TBCD: variants seen among roughly 807,000 people sequenced by gnomAD.
The protein encoded by TBCD is tubulin folding cofactor D.
Under a neutral mutation model 169.3 loss-of-function variants are expected in TBCD, and 105 were observed. The ratio of observed to expected loss-of-function variants is 0.62; its 90% CI spans 0.53 to 0.73. TBCD has a LOEUF of 0.73. TBCD is among the 30% of genes least tolerant of loss of function. TBCD has a pLI of 0.00. For synonymous variants in TBCD, 700 were observed against 643.9 expected, an observed-to-expected ratio of 1.09 and a Z score of -1.32; for missense variants, 1,444 against 1,600.1, an observed-to-expected ratio of 0.90 and a Z score of 1.66.
intron 13 of TBCD, among the ~76,000 whole-genome samples, chr17:82,847,659 A>G (rs763487808): frequency 1.4e-4 from 21 of 152,094 alleles, no homozygotes; most frequent in Non-Finnish European, 2.9e-4. Flanking sequence ...TCTTTTTGAG[A>G]CAGAGTCTTG....
chr17:82,815,067 G>A (rs775841812), intron 13 of TBCD, 133 bp downstream of exon 13: 24 of 1,410,642 alleles, frequency 1.7e-5, no homozygotes, highest in Admixed American at 4.7e-5. Flanking sequence ...CAGGCTGTCC[G>A]TGGCAGGCTG....
intron 6 of TBCD, among the ~76,000 whole-genome samples, chr17:82,777,541 T>G (rs967654847): frequency 6.6e-6 from 1 of 152,234 alleles, no homozygotes; most frequent in African/African-American, 2.4e-5. Context: ...GTGGGTCACG[T>G]GTCCACTGGA....
chr17:82,886,818 C>T (rs1414028573), intron 15 of TBCD, among the ~76,000 whole-genome samples: 1 of 150,178 alleles, frequency 6.7e-6, no homozygotes, highest in East Asian at 2.0e-4. Context: ...TACAGGCGTG[C>T]ACCACCATGC....
intron 13 of TBCD, chr17:82,865,377 TC>T (rs1347018361): frequency 1.2e-6 from 1 of 835,988 alleles, no homozygotes; most frequent in African/African-American, 1.8e-5. Flanking sequence ...TGAGGGTCCC[TC>T]CACATCCACC....
intron 2 of TBCD, among the ~76,000 whole-genome samples, chr17:82,758,392 A>AAAAAT (rs1480756470): frequency 1.6e-5 from 2 of 125,432 alleles, no homozygotes; most frequent in African/African-American, 6.1e-5. Flanking sequence ...CGGAAAAAAA[A>AAAAAT]AAAAAAAAAA....
intron 13 of TBCD, among the ~76,000 whole-genome samples, chr17:82,866,561 A>C (rs779751072): frequency 6.6e-6 from 1 of 152,174 alleles, no homozygotes; most frequent in Non-Finnish European, 1.5e-5. Context: ...TGCGGGTGTC[A>C]TGGAGCAGGA....
At chr17:82,812,018 T>C (rs2051476325) in intron 12 of TBCD, among the ~76,000 whole-genome samples, 1 of 152,172 alleles carries the variant, frequency 6.6e-6, no homozygotes, top group East Asian at 1.9e-4. Flanking sequence ...CTGATGTGGC[T>C]GTCCCCCAAG....
At chr17:82,921,998 G>T (rs1386259379) in intron 25 of TBCD, among the ~76,000 whole-genome samples, 1 of 152,192 alleles carries the variant, frequency 6.6e-6, no homozygotes, top group Non-Finnish European at 1.5e-5. Flanking sequence ...TTGTGTGGGT[G>T]CCAGTGTGTG....
chr17:82,866,646 G>T (rs1490876397), intron 13 of TBCD, among the ~76,000 whole-genome samples: 1 of 152,244 alleles, frequency 6.6e-6, no homozygotes, highest in African/African-American at 2.4e-5. Flanking sequence ...CTGGAAGGAG[G>T]CTGGCTGGGC....
At chr17:82,926,311 C>A (rs2147247616) in intron 27 of TBCD, 89 bp from the exon 28 acceptor site, 1 of 1,244,206 alleles carries the variant, frequency 8.0e-7, no homozygotes, top group East Asian at 2.4e-5. Flanking sequence ...GGTGTGGGGT[C>A]TGTGGCTCCG....
chr17:82,855,122 C>T (rs1025599295), intron 13 of TBCD, among the ~76,000 whole-genome samples: 4 of 152,126 alleles, frequency 2.6e-5, no homozygotes, highest in Non-Finnish European at 5.9e-5. Flanking sequence ...CCCCTCTTCG[C>T]CCCATATGGG....
rs1186529228 is a variant in TBCD at position 82,929,098 on chromosome 17, G to A, written c.2694-15G>A. ...ACCGCCCGCCCTTGGTTTACCTCCT[G>A]CTCTCGGTTTGCAGCTGTGAGCGCA... On this transcript the variant is annotated splice_polypyrimidine_tract_variant and intron_variant, in intron 30 of 38. Coordinates refer to ENST00000355528, the MANE Select transcript of TBCD (RefSeq NM_005993.5). 6.2e-7 allele frequency: 1 copy of A among 1,602,736 alleles called. No homozygotes were observed. Among genetic ancestry groups the A allele is most frequent in the Admixed American group, 1.7e-5 (1 of 59,920 alleles).
intron 35 of TBCD, 22 bp downstream of exon 35, chr17:82,937,382 C>A: frequency 6.2e-7 from 1 of 1,610,082 alleles, no homozygotes. Context: ...GTGCTGCTGG[C>A]CTTAGACGGA....
rs1213345180 is a variant in TBCD, at chr17:82,874,678, G to T, written c.1475+4298G>T. On this transcript the variant is annotated intron_variant, in intron 14 of 38. Coordinates refer to ENST00000355528, the MANE Select transcript of TBCD (RefSeq NM_005993.5). This position sits in a 1 kb window ranked among gnomAD's most constrained non-coding sequence, Gnocchi z 5.0. ...TGGCCCACGCAGACTCCAGGCATCC[G>T]GCCGGGCGGGCTGTGAGTCAGGCTG... 6.6e-6 allele frequency among the ~76,000 whole-genome samples: 1 copy of T among 152,166 alleles called. No homozygotes were observed. Among genetic ancestry groups the T allele is most frequent in the African/African-American group, 2.4e-5 (1 of 41,436 alleles).
chr17:82,853,002 C>T (rs563456485), intron 13 of TBCD, among the ~76,000 whole-genome samples: 21 of 152,282 alleles, frequency 1.4e-4, no homozygotes, highest in African/African-American at 4.8e-4. Flanking sequence ...CTCCCGAGGA[C>T]GAGAGCTCGT....
In TBCD at chr17:82,752,294, C is replaced by G. The variant is rs767510826; in HGVS notation, c.101C>G (p.Ala34Gly). The G allele has an allele frequency of 1.3e-6, 2 of 1,510,616 alleles. No individual in the cohort carries two copies. Among genetic ancestry groups the G allele is most frequent in the South Asian group, 1.2e-5 (1 of 81,454 alleles). The allele number at this position is 1,510,616 out of a possible 1,614,324, so 93.6% of individuals were successfully genotyped here. ...GCGCTGGAAGCGTTCGGCGAGAGCG[C>G]GGAGACCCGGGCGCTGCTGGGCCGC... ...GAALEAFGES[A>G]ETRALLGRLR... The change falls in exon 1 of 39, where the codon GCG becomes GGG. Residue 34 changes from alanine to glycine, a missense_variant. Physicochemically the swap from Ala to Gly is moderately conservative, Grantham distance 60. Transcript: ENST00000355528.
rs563140848 is a variant in TBCD, at chr17:82,943,783, G to A, written c.*1320G>A. The A allele has an allele frequency of 6.6e-6, 1 of 152,350 alleles. No individual in the cohort carries two copies. Among genetic ancestry groups the A allele is most frequent in the East Asian group, 1.9e-4 (1 of 5,178 alleles). The allele number at this position is 152,350 out of a possible 1,614,324, so 9.4% of individuals were successfully genotyped here. A position where few individuals can be genotyped will look rare whatever the true frequency, so the allele number is the denominator to read the frequency against. On this transcript the variant is annotated 3_prime_UTR_variant, in exon 39 of 39. Transcript: ENST00000355528. ...GGTCTTTATACCCTAAAAGAGCCTT[G>A]GGTTACATTTTTACGAGATTTAAAT... is the stretch of plus-strand genomic sequence containing the variant.
chr17:82,858,259 A>G (rs989441843), intron 13 of TBCD, among the ~76,000 whole-genome samples: 1 of 152,200 alleles, frequency 6.6e-6, no homozygotes, highest in African/African-American at 2.4e-5. Context: ...TTTGGATCAA[A>G]GCTAAGCTGT....
At chr17:82,901,905 T>A (rs1012326480) in intron 18 of TBCD, among the ~76,000 whole-genome samples, 4 of 152,240 alleles carry the variant, frequency 2.6e-5, no homozygotes, top group African/African-American at 7.2e-5. Flanking sequence ...TTAATTAATT[T>A]GTCAGTTGTA....
Sources: gnomAD v4.1 joint callset for allele counts (sites outside exome capture counted in the v4.1 genomes callset) on GRCh38, gnomAD v4.1.1 for gene constraint, Gnocchi (gnomAD v3.1) non-coding constraint, MANE v1.5 for transcripts, NCBI Gene and HGNC (gene_info 2026-07-23, HGNC 2026-07-21) for gene names.